ZNF804B: variants seen among roughly 807,000 people sequenced by gnomAD.
The protein encoded by ZNF804B is zinc finger 804B.
ZNF804B carries 80 observed loss-of-function variants against 101.4 expected under a neutral mutation model. The observed-to-expected ratio is 0.79, with a 90% confidence interval of 0.66 to 0.95. The LOEUF (loss-of-function observed/expected upper bound fraction) is 0.95. Among genes scored for constraint, ZNF804B ranks in the 40% least tolerant of loss-of-function variants. The probability of loss-of-function intolerance (pLI) is 0.00; values close to 1 mark genes in which losing one functional copy is unlikely to be tolerated. For synonymous variants in ZNF804B, 622 were observed against 558.8 expected (o/e 1.11, Z -1.59); for missense variants, 1,673 against 1,561.9 (o/e 1.07, Z -1.20).
intron 1 of ZNF804B, among the ~76,000 whole-genome samples, chr7:88,788,079 A>G (rs1041917486): frequency 6.6e-6 from 1 of 152,132 alleles, no homozygotes; most frequent in African/African-American, 2.4e-5. Flanking sequence ...AGGGAGGGGT[A>G]GGTTGAAGGA....
chr7:89,170,057 G>A (rs1791201246), intron 1 of ZNF804B, among the ~76,000 whole-genome samples: 1 of 152,152 alleles, frequency 6.6e-6, no homozygotes, highest in Non-Finnish European at 1.5e-5. Context: ...CATTCTGTTT[G>A]GACACTTAGA....
intron 1 of ZNF804B, among the ~76,000 whole-genome samples, chr7:89,029,430 G>C (rs543041894): frequency 6.6e-6 from 1 of 152,256 alleles, no homozygotes; most frequent in East Asian, 1.9e-4. Context: ...CACAGAAGAA[G>C]AATATCCTGA....
intron 1 of ZNF804B, among the ~76,000 whole-genome samples, chr7:89,184,214 C>T (rs772079858): frequency 2.0e-5 from 3 of 152,142 alleles, no homozygotes; most frequent in Non-Finnish European, 2.9e-5. Flanking sequence ...ATCTCACACA[C>T]ACATATTTTA....
At chr7:89,151,353 T>C (rs1259936892) in intron 1 of ZNF804B, among the ~76,000 whole-genome samples, 2 of 152,038 alleles carry the variant, frequency 1.3e-5, no homozygotes, top group African/African-American at 2.4e-5. Flanking sequence ...CACTCAACAA[T>C]AATCTGATCT....
chr7:89,085,396 A>G (rs59475201), intron 1 of ZNF804B, among the ~76,000 whole-genome samples: 2,652 of 152,024 alleles, frequency 0.017, 86 homozygotes, highest in African/African-American at 0.061. Context: ...TTTTTCCTCC[A>G]TAAGTAAGCC....
chr7:88,859,193 A>C (rs1264463192), intron 1 of ZNF804B, among the ~76,000 whole-genome samples: 1 of 151,768 alleles, frequency 6.6e-6, no homozygotes, highest in Non-Finnish European at 1.5e-5. Flanking sequence ...GTGTGCGTGC[A>C]TGTGTGTGTT....
Position 89,289,467 on chromosome 7 carries a change from G to C in ZNF804B, c.250-37877G>C, listed in dbSNP as rs2115892817. Among the ~76,000 whole-genome samples the C allele has an allele frequency of 1.3e-5, 2 of 152,272 alleles. 1 individual carries two copies. Among genetic ancestry groups the C allele is most frequent in the South Asian group, 4.1e-4 (2 of 4,820 alleles). ...AGAGGTACTGAAGAGGATAGAAAAG[G>C]TAGTCTTAAATTGCTAATGCCACCC... On this transcript the variant is annotated intron_variant, in intron 2 of 3. Transcript: ENST00000333190.
intron 1 of ZNF804B, among the ~76,000 whole-genome samples, chr7:89,010,760 CATT>C (rs1788444119): frequency 6.6e-6 from 1 of 152,100 alleles, no homozygotes; most frequent in Admixed American, 6.6e-5. Context: ...ATAAAGCAAA[CATT>C]ATTTTGTGTT....
At chr7:88,803,256 C>T (rs950505375) in intron 1 of ZNF804B, among the ~76,000 whole-genome samples, 5 of 151,970 alleles carry the variant, frequency 3.3e-5, no homozygotes, top group Non-Finnish European at 7.4e-5. Context: ...AGCCTGAGAG[C>T]CTGCTATTGA....
At position 89,335,830 on chromosome 7, in the gene ZNF804B, A is replaced by G. The variant is rs1428960118; in HGVS notation, c.2848A>G (p.Ser950Gly). ...AAGTAATGTTGAGATCTCTTCAAACAGTTGTAAAAGTGAATTAGAGGCTCC... is the reference window on the plus strand; with the variant it reads ...AAGTAATGTTGAGATCTCTTCAAACGGTTGTAAAAGTGAATTAGAGGCTCC... ...QSSNVEISSNSCKSELEAPSQ... is the reference protein window; with the variant it reads ...QSSNVEISSNGCKSELEAPSQ... Residue 950 changes from serine to glycine, a missense_variant, in exon 4 of 4, where the codon AGT (serine) becomes GGT (glycine). Transcript: ENST00000333190. The G allele has an allele frequency of 6.2e-7, 1 of 1,614,076 alleles. No individual in the cohort carries two copies. The highest frequency in any genetic ancestry group is 8.5e-7 in the Non-Finnish European group (1 of 1,179,974).
chr7:88,841,365 A>G (rs1256976552), intron 1 of ZNF804B, among the ~76,000 whole-genome samples: 1 of 152,188 alleles, frequency 6.6e-6, no homozygotes, highest in Admixed American at 6.5e-5. Context: ...AGTCCAAACA[A>G]TGGGCAATCA....
chr7:88,926,407 C>G (rs377381938), intron 1 of ZNF804B, among the ~76,000 whole-genome samples: 1 of 141,998 alleles, frequency 7.0e-6, no homozygotes, highest in East Asian at 2.1e-4. Context: ...GTCAACATGG[C>G]GAAACCCCAT....
At chr7:88,854,253 T>C (rs1007871906) in intron 1 of ZNF804B, among the ~76,000 whole-genome samples, 3 of 152,096 alleles carry the variant, frequency 2.0e-5, no homozygotes, top group Admixed American at 6.6e-5. Flanking sequence ...TCATTTTATA[T>C]GTACAAAACA....
intron 1 of ZNF804B, among the ~76,000 whole-genome samples, chr7:88,950,370 A>G (rs957616781): frequency 6.6e-6 from 1 of 151,912 alleles, no homozygotes; most frequent in Non-Finnish European, 1.5e-5. Flanking sequence ...ATGATTCAAT[A>G]AGAAAGCTAA....
At position 89,337,136 on chromosome 7, in the gene ZNF804B, C is replaced by T. The variant is rs1791110549; in HGVS notation, c.*104C>T. On this transcript the variant is annotated 3_prime_UTR_variant, in exon 4 of 4. Transcript: ENST00000333190. ...AATTATAAGATTTAAAATATTGCTGCCAATTCAAAATGTGACAAATATATA... is the reference window on the plus strand; with the variant it reads ...AATTATAAGATTTAAAATATTGCTGTCAATTCAAAATGTGACAAATATATA... 8.8e-7 allele frequency: 1 copy of T among 1,141,868 alleles called. No individual in the cohort carries two copies. Among genetic ancestry groups the T allele is most frequent in the South Asian group, 1.7e-5 (1 of 57,434 alleles). The allele number at this position is 1,141,868 out of a possible 1,614,324, so 70.7% of individuals were successfully genotyped here.
intron 1 of ZNF804B, among the ~76,000 whole-genome samples, chr7:89,163,878 C>A (rs1224731804): frequency 6.6e-6 from 1 of 151,656 alleles, no homozygotes; most frequent in Non-Finnish European, 1.5e-5. Context: ...ATTTCCTTCC[C>A]CTTTTCATTT....
chr7:89,203,409 G>A, intron 1 of ZNF804B, among the ~76,000 whole-genome samples: 1 of 152,132 alleles, frequency 6.6e-6, no homozygotes, highest in East Asian at 1.9e-4. Flanking sequence ...TAATAGACAA[G>A]CATAAGTAGT....
intron 1 of ZNF804B, among the ~76,000 whole-genome samples, chr7:88,990,670 A>G (rs1793831801): frequency 1.3e-5 from 2 of 152,144 alleles, no homozygotes; most frequent in Admixed American, 1.3e-4. Flanking sequence ...AATATTTTGA[A>G]GCACAGAGTA....
At position 88,945,237 on chromosome 7, in the gene ZNF804B, C is replaced by T. The variant is rs1793110619; in HGVS notation, c.108+185153C>T. 3.3e-5 allele frequency among the ~76,000 whole-genome samples: 5 copies of T among 152,088 alleles called. No individual in the cohort carries two copies. The South Asian group carries it at 1.0e-3, about 32-fold the overall frequency. On this transcript the variant is annotated intron_variant, in intron 1 of 3. Coordinates refer to ENST00000333190, the MANE Select transcript of ZNF804B (RefSeq NM_181646.5). ...ATGGCTTTAGGTATTACGTTTAAGTCTTTAATCCATCTTGAGTTAATTTTT... is the reference window on the plus strand; with the variant it reads ...ATGGCTTTAGGTATTACGTTTAAGTTTTTAATCCATCTTGAGTTAATTTTT...
Sources: gnomAD v4.1 joint callset for allele counts (sites outside exome capture counted in the v4.1 genomes callset) on GRCh38, gnomAD v4.1.1 for gene constraint, MANE v1.5 for transcripts, NCBI Gene and HGNC (gene_info 2026-07-23, HGNC 2026-07-21) for gene names.